Variants in GPHN observed in about 807,000 individuals in gnomAD.
GPHN encodes gephyrin.
In GPHN, 17 loss-of-function variants were observed where a neutral mutation model predicts 95.5. The observed-to-expected ratio is 0.18, with a 90% CI of 0.12 to 0.27. GPHN has a LOEUF of 0.27. GPHN is among the 10% of genes least tolerant of loss of function. GPHN has a pLI of 1.00. For synonymous variants in GPHN, 320 were observed against 322.5 expected, an observed-to-expected ratio of 0.99 and a Z score of 0.08; for missense variants, 660 against 978.1, an observed-to-expected ratio of 0.67 and a Z score of 4.34.
At position 67,113,114 on chromosome 14, in the gene GPHN, C is replaced by T. The variant is rs1288417403; in HGVS notation, c.1569C>T (p.Val523=). ...SEIGLLATVG[V]TEVEVNKFPV... is the part of the protein sequence containing the mutation. Reference sequence around the variant, plus strand: ...TTGGTCTTCTGGCAACTGTAGGTGTCACAGAGGTTGAAGTTAATAAGTTTC... The same window carrying T: ...TTGGTCTTCTGGCAACTGTAGGTGTTACAGAGGTTGAAGTTAATAAGTTTC... The change falls in exon 16 of 23, where the codon GTC becomes GTT. Residue 523 remains valine (V), a synonymous_variant. Transcript: ENST00000478722. 4.3e-6 allele frequency: 7 copies of T among 1,613,674 alleles called. No individual in the cohort carries two copies. The highest frequency in any genetic ancestry group is 5.9e-6 in the Non-Finnish European group (7 of 1,179,778).
At chr14:67,571,161 G>T in the GPHN span, 1 of 154,016 alleles carries the variant, frequency 6.5e-6, no homozygotes, top group Admixed American at 6.4e-5. Context: ...GAACATCACT[G>T]TGCACATATA....
chr14:66,699,679 C>A (rs1269992442), intron 2 of GPHN, among the ~76,000 whole-genome samples: 1 of 152,152 alleles, frequency 6.6e-6, no homozygotes, highest in African/African-American at 2.4e-5. Flanking sequence ...TACTTCCTGG[C>A]TCTTCAACTT....
chr14:67,639,443 T>C, the GPHN span, among the ~76,000 whole-genome samples: 1 of 152,310 alleles, frequency 6.6e-6, no homozygotes, highest in African/African-American at 2.4e-5. Context: ...TAGAGTGCAA[T>C]TACCAAAATA....
chr14:66,910,623 T>TAC (rs2065624144), intron 5 of GPHN, among the ~76,000 whole-genome samples: 1 of 151,898 alleles, frequency 6.6e-6, no homozygotes, highest in Non-Finnish European at 1.5e-5. Context: ...TGTAATTCAG[T>TAC]ACACACACAC....
intron 8 of GPHN, among the ~76,000 whole-genome samples, chr14:66,931,504 C>G: frequency 6.6e-6 from 1 of 152,036 alleles, no homozygotes; most frequent in Non-Finnish European, 1.5e-5. Context: ...TCTTACTGCC[C>G]TTTGAGGCTA....
chr14:67,183,570 T>G (rs1247515303), downstream of GPHN, among the ~76,000 whole-genome samples: 1 of 152,136 alleles, frequency 6.6e-6, no homozygotes, highest in African/African-American at 2.4e-5. Context: ...TTATTTTTAT[T>G]TTTATTTTTT....
chr14:67,194,510 AT>A, the GPHN span, among the ~76,000 whole-genome samples: 248 of 151,568 alleles, frequency 1.6e-3, 1 homozygote, highest in East Asian at 0.013. Flanking sequence ...AGCCTAAACT[AT>A]TTTTTTTCCC....
At chr14:67,606,361 T>A in the GPHN span, among the ~76,000 whole-genome samples, 1 of 152,256 alleles carries the variant, frequency 6.6e-6, no homozygotes, top group Non-Finnish European at 1.5e-5. Flanking sequence ...GGAATGTTTC[T>A]CTTCCCTTGT....
chr14:67,488,394 CGG>C, the GPHN span: 1 of 152,444 alleles, frequency 6.6e-6, no homozygotes, highest in Non-Finnish European at 1.5e-5. Context: ...GGTCTCCCCC[CGG>C]GGCCTCTGCA....
At chr14:66,793,598 T>A (rs536024026) in intron 3 of GPHN, among the ~76,000 whole-genome samples, 1 of 152,130 alleles carries the variant, frequency 6.6e-6, no homozygotes, top group Non-Finnish European at 1.5e-5. Context: ...CATATATATA[T>A]CTGTGTGTGA....
chr14:66,996,369 T>C (rs1028366533), intron 9 of GPHN, among the ~76,000 whole-genome samples: 1 of 152,204 alleles, frequency 6.6e-6, no homozygotes, highest in African/African-American at 2.4e-5. Flanking sequence ...AAAATTCACC[T>C]GTTTTAGGGG....
the GPHN span, chr14:67,321,147 G>T: frequency 1.2e-6 from 2 of 1,614,064 alleles, no homozygotes; most frequent in Non-Finnish European, 1.7e-6. Context: ...ATAGCAGCTG[G>T]AAAGTTCATT....
rs371376446 is a variant in GPHN at position 67,122,297 on chromosome 14, A to T, written c.1668A>T (p.Arg556=). 35 of 1,613,620 alleles carry T rather than the reference A, an allele frequency of 2.2e-5. No individual in the cohort carries two copies. The highest frequency in any genetic ancestry group is 3.0e-5 in the Non-Finnish European group (35 of 1,179,554). The change falls in exon 17 of 23, where the codon CGA becomes CGT. Residue 556 remains arginine, a synonymous_variant. Coordinates refer to ENST00000478722, the MANE Select transcript of GPHN (RefSeq NM_020806.5). ...ATGACCTCTTACCAGGGAAGATTCGAGACAGCAATCGTTCAACTCTTCTAG... is the reference window on the plus strand; with the variant it reads ...ATGACCTCTTACCAGGGAAGATTCGTGACAGCAATCGTTCAACTCTTCTAG... ...PEDDLLPGKI[R]DSNRSTLLAT... is the part of the protein sequence containing the mutation.
the GPHN span, chr14:67,338,821 G>A: frequency 6.8e-7 from 1 of 1,468,996 alleles, no homozygotes; most frequent in Non-Finnish European, 9.2e-7. Context: ...AAGTAGATTT[G>A]ATTTCTTTGA....
At chr14:66,723,345 A>G (rs1010682846) in intron 2 of GPHN, among the ~76,000 whole-genome samples, 2 of 151,300 alleles carry the variant, frequency 1.3e-5, no homozygotes, top group African/African-American at 4.8e-5. Flanking sequence ...TTTTGGTTAT[A>G]AAAGGTTAAC....
the GPHN span, among the ~76,000 whole-genome samples, chr14:67,302,961 A>G: frequency 2.6e-5 from 4 of 152,186 alleles, no homozygotes. Context: ...TTTCCTAATA[A>G]TATTAGATAA....
chr14:66,858,337 A>G (rs541504331), intron 4 of GPHN, among the ~76,000 whole-genome samples: 12 of 152,026 alleles, frequency 7.9e-5, no homozygotes, highest in Non-Finnish European at 4.4e-5. Flanking sequence ...CAGCCACAGT[A>G]GGATAGGACA....
At chr14:67,144,467 G>C (rs72715399) in intron 18 of GPHN, among the ~76,000 whole-genome samples, 9,988 of 151,034 alleles carry the variant, frequency 0.066, 349 homozygotes, top group Middle Eastern at 0.085. Context: ...GTAAAATATT[G>C]TTTACTAAAT....
At chr14:67,525,537 G>A in the GPHN span, among the ~76,000 whole-genome samples, 79 of 152,216 alleles carry the variant, frequency 5.2e-4, 2 homozygotes, top group East Asian at 0.014. Context: ...AACATAAATT[G>A]TGAGAAATAG....
Sources: allele counts gnomAD v4.1 joint callset (sites outside exome capture counted in the v4.1 genomes callset), GRCh38; gene constraint gnomAD v4.1.1; transcripts MANE v1.5; gene names NCBI Gene and HGNC (gene_info 2026-07-23, HGNC 2026-07-21).